Variants in ROR2 observed in about 807,000 individuals in gnomAD.
ROR2 encodes tyrosine-protein kinase transmembrane receptor ROR2.
A neutral mutation model predicts 74.9 loss-of-function variants in ROR2; 33 were observed. That is an observed-to-expected ratio of 0.44 (90% CI 0.33 to 0.59). The LOEUF is 0.59. Among genes scored for constraint, ROR2 ranks in the 20% least tolerant of loss-of-function variants. The probability of loss-of-function intolerance (pLI) is 0.02; values close to 1 mark genes in which losing one functional copy is unlikely to be tolerated. For missense variants in ROR2, 1,216 were observed against 1,313.8 expected (o/e 0.93, Z 1.15); for synonymous variants, 586 against 558.7 (o/e 1.05, Z -0.69).
chr9:91,789,498 C>T (rs1431722243), intron 1 of ROR2, among the ~76,000 whole-genome samples: 6 of 152,014 alleles, frequency 3.9e-5, no homozygotes, highest in African/African-American at 1.2e-4. Context: ...AATTGTAAGA[C>T]CGTGCTGATG....
At chr9:91,726,420 G>C in intron 8 of ROR2, 121 bp downstream of exon 8, 1 of 977,548 alleles carries the variant, frequency 1.0e-6, no homozygotes, top group Non-Finnish European at 1.6e-6. Flanking sequence ...AAATGAAGCG[G>C]AGTTTAAAAT....
intron 1 of ROR2, among the ~76,000 whole-genome samples, chr9:91,916,738 A>T (rs1489329531): frequency 2.0e-5 from 3 of 152,012 alleles, no homozygotes; most frequent in Non-Finnish European, 4.4e-5. Context: ...TTTCCTGGTA[A>T]TTTAAGAAAA....
At chr9:91,884,936 C>A (rs1830228728) in intron 1 of ROR2, among the ~76,000 whole-genome samples, 1 of 152,078 alleles carries the variant, frequency 6.6e-6, no homozygotes, top group Admixed American at 6.5e-5. Context: ...TTGGGGAGAC[C>A]ATTTTATTGC....
chr9:91,855,888 G>A (rs765570214), intron 1 of ROR2, among the ~76,000 whole-genome samples: 16 of 152,014 alleles, frequency 1.1e-4, no homozygotes, highest in South Asian at 2.1e-4. Flanking sequence ...GTGAGGCACC[G>A]GGGCCGCACC....
rs144181028 is a variant in ROR2 at position 91,769,063 on chromosome 9, G to A, written c.175+6678C>T. On this transcript the variant is annotated intron_variant, in intron 2 of 8. Coordinates refer to ENST00000375708, the MANE Select transcript of ROR2 (RefSeq NM_004560.4). ...GCTTGGGATTGCGTGGCTGTGGGCC[G>A]GGCGGAGGCAGACAAGACTGGCAGG... 1.8e-3 allele frequency among the ~76,000 whole-genome samples: 274 copies of A among 152,246 alleles called. 1 individual carries two copies. The highest frequency in any genetic ancestry group is 6.1e-3 in the African/African-American group (253 of 41,540).
intron 4 of ROR2, among the ~76,000 whole-genome samples, chr9:91,739,498 C>A (rs1047547394): frequency 1.5e-5 from 2 of 132,814 alleles, no homozygotes; most frequent in African/African-American, 2.9e-5. Context: ...AAGAGCAAGA[C>A]CCTGTCTTTA....
At chr9:91,775,036 G>A (rs1024682418) in intron 2 of ROR2, among the ~76,000 whole-genome samples, 18 of 152,196 alleles carry the variant, frequency 1.2e-4, no homozygotes, top group African/African-American at 4.3e-4. Context: ...GCAGCTGCCT[G>A]CAAGCCAGGA....
intron 1 of ROR2, among the ~76,000 whole-genome samples, chr9:91,828,468 C>T (rs1044134672): frequency 6.6e-6 from 1 of 152,186 alleles, no homozygotes; most frequent in Non-Finnish European, 1.5e-5. Context: ...AATCCCAGCA[C>T]TTTGTGATGC....
intron 1 of ROR2, among the ~76,000 whole-genome samples, chr9:91,927,756 G>T (rs1240589925): frequency 5.3e-5 from 8 of 151,710 alleles, no homozygotes; most frequent in Admixed American, 5.3e-4. Flanking sequence ...TAGAGACGGG[G>T]TTTCACCATG....
intron 4 of ROR2, among the ~76,000 whole-genome samples, chr9:91,747,725 A>G (rs1417624220): frequency 6.6e-6 from 1 of 152,228 alleles, no homozygotes; most frequent in Non-Finnish European, 1.5e-5. Context: ...GTCCAGAGAT[A>G]TCGTAAGCAT....
intron 1 of ROR2, among the ~76,000 whole-genome samples, chr9:91,922,682 T>C (rs879622864): frequency 1.3e-5 from 2 of 152,202 alleles, no homozygotes; most frequent in Non-Finnish European, 2.9e-5. Context: ...CTCGATCTCC[T>C]GACCTCGTGA....
chr9:91,893,457 T>A (rs1234972553), intron 1 of ROR2, among the ~76,000 whole-genome samples: 1 of 151,370 alleles, frequency 6.6e-6, no homozygotes, highest in African/African-American at 2.4e-5. Context: ...AAAAAAAAAA[T>A]TTGCAGGCTG....
chr9:91,729,624 C>G (rs966724519), intron 7 of ROR2, among the ~76,000 whole-genome samples: 1 of 152,184 alleles, frequency 6.6e-6, no homozygotes, highest in African/African-American at 2.4e-5. Context: ...ACCGGCTGCT[C>G]TCTCTTTATC....
intron 1 of ROR2, among the ~76,000 whole-genome samples, chr9:91,896,311 T>G (rs1241816549): frequency 6.6e-6 from 1 of 152,230 alleles, no homozygotes; most frequent in Non-Finnish European, 1.5e-5. Flanking sequence ...ACATCAAAGA[T>G]GCAATCTTGG....
intron 1 of ROR2, among the ~76,000 whole-genome samples, chr9:91,879,932 G>A (rs185880387): frequency 7.3e-5 from 11 of 150,102 alleles, no homozygotes; most frequent in Non-Finnish European, 1.6e-4. Context: ...TGTTAAGGAG[G>A]TCAATACTAA....
chr9:91,798,317 C>G (rs1208389194), intron 1 of ROR2, among the ~76,000 whole-genome samples: 9 of 97,288 alleles, frequency 9.3e-5, no homozygotes, highest in South Asian at 3.9e-4. Context: ...TCTGTGGGTG[C>G]GGCTGACGCC....
intron 1 of ROR2, among the ~76,000 whole-genome samples, chr9:91,816,178 T>G (rs1827925566): frequency 6.6e-6 from 1 of 152,156 alleles, no homozygotes; most frequent in African/African-American, 2.4e-5. Context: ...GGGCCTGCCC[T>G]CACGGTAGCC....
At position 91,741,359 on chromosome 9, in the gene ROR2, G is replaced by A. The variant is rs538969482; in HGVS notation, c.495-3841C>T. Among the ~76,000 whole-genome samples the A allele has an allele frequency of 1.1e-3, 165 of 150,118 alleles. 1 individual carries two copies. The highest frequency in any genetic ancestry group is 1.7e-3 in the Non-Finnish European group (117 of 67,580). ...ATAATAATAAAATAATGACAACCCTGGGTAAGAAAAGCAACAGGAGAGGGG... is the reference window on the plus strand; with the variant it reads ...ATAATAATAAAATAATGACAACCCTAGGTAAGAAAAGCAACAGGAGAGGGG... On this transcript the variant is annotated intron_variant, in intron 4 of 8. Coordinates refer to ENST00000375708, the MANE Select transcript of ROR2 (RefSeq NM_004560.4).
In ROR2 at chr9:91,757,455, G is replaced by A. The variant is rs756830208; in HGVS notation, c.280C>T (p.Arg94Trp). The A allele has an allele frequency of 1.1e-5, 17 of 1,613,768 alleles. No homozygotes were observed. The highest frequency in any genetic ancestry group is 1.6e-4 in the Middle Eastern group (1 of 6,084). The stretch of plus-strand genomic sequence containing the variant: ...ACCGGGGCATCATTCTTTAGCCACC[G>A]CACGTTAGGGGGTGGGTTTCCTGCC... ...KVAGNPPPNV[R>W]WLKNDAPVVQ... Residue 94 changes from arginine to tryptophan, a missense_variant, in exon 3 of 9, where the codon CGG (arginine) becomes TGG (tryptophan). By Grantham distance (101) the Arg-to-Trp change is moderately radical. Coordinates refer to ENST00000375708, the MANE Select transcript of ROR2 (RefSeq NM_004560.4).
Sources: gnomAD v4.1 joint callset for allele counts (sites outside exome capture counted in the v4.1 genomes callset) on GRCh38, gnomAD v4.1.1 for gene constraint, MANE v1.5 for transcripts, NCBI Gene and HGNC (gene_info 2026-07-23, HGNC 2026-07-21) for gene names.